The following SLCO5A1 variants were observed in gnomAD, a reference collection of about 807,000 sequenced individuals.
SLCO5A1 encodes organic anion transporter polypeptide-related protein 4.
A neutral mutation model predicts 65.1 loss-of-function variants in SLCO5A1; 39 were observed. The observed-to-expected ratio is 0.60, with a 90% CI of 0.46 to 0.78. SLCO5A1 has a LOEUF of 0.78. SLCO5A1 is among the 30% of genes least tolerant of loss of function. SLCO5A1 has a pLI of 0.00. For missense variants in SLCO5A1, 1,029 were observed against 1,069.4 expected (o/e 0.96, Z 0.53); for synonymous variants, 438 against 415.7 (o/e 1.05, Z -0.65).
At chr8:69,724,903 TATTA>T (rs1389845685) in intron 5 of SLCO5A1, among the ~76,000 whole-genome samples, 3 of 152,182 alleles carry the variant, frequency 2.0e-5, no homozygotes, top group African/African-American at 7.2e-5. Flanking sequence ...CCTGTGTCTT[TATTA>T]ATTATCTACC....
At chr8:69,765,961 T>A (rs1385038441) in intron 2 of SLCO5A1, among the ~76,000 whole-genome samples, 3 of 152,182 alleles carry the variant, frequency 2.0e-5, no homozygotes, top group East Asian at 1.9e-4. Flanking sequence ...TCACACTCCA[T>A]CATGCATCTC....
chr8:69,784,652 G>A (rs1202273138), intron 2 of SLCO5A1, among the ~76,000 whole-genome samples: 1 of 151,778 alleles, frequency 6.6e-6, no homozygotes, highest in African/African-American at 2.4e-5. Context: ...GACAGGCATG[G>A]TGGTGTGTGC....
chr8:69,722,168 T>G (rs928343560), intron 5 of SLCO5A1, among the ~76,000 whole-genome samples: 2 of 152,068 alleles, frequency 1.3e-5, no homozygotes, highest in Admixed American at 1.3e-4. Flanking sequence ...AAAGACTCCG[T>G]CTCAAAAAAA....
At position 69,832,108 on chromosome 8, in the gene SLCO5A1, C is replaced by G; in HGVS notation, c.566G>C (p.Gly189Ala). Residue 189 changes from glycine to alanine, a missense_variant, in exon 2 of 10, where the codon GGC (glycine) becomes GCC (alanine). By Grantham distance (60) the Gly-to-Ala change is moderately conservative. This residue lies in a region of SLCO5A1 where 647 missense variants were observed against 647.5 expected (regional missense o/e 1.00). Coordinates refer to ENST00000260126, the MANE Select transcript of SLCO5A1 (RefSeq NM_030958.3). The surrounding 1 kb of genome is among the most constrained non-coding windows in gnomAD (Gnocchi z 4.5). Reference protein sequence around the residue: ...LVVVVFVSYFGGRGRRPLWLA... With the variant: ...LVVVVFVSYFAGRGRRPLWLA... ...CCACAGGGGCCGCCGACCCCGGCCG[C>G]CGAAGTAGCTGACGAACACCACCAC... 6.2e-7 allele frequency: 1 copy of G among 1,614,096 alleles called. No individual in the cohort carries two copies. Among genetic ancestry groups the G allele is most frequent in the South Asian group, 1.1e-5 (1 of 91,080 alleles).
intron 2 of SLCO5A1, among the ~76,000 whole-genome samples, chr8:69,801,570 C>T (rs998487653): frequency 1.3e-5 from 2 of 151,668 alleles, no homozygotes; most frequent in South Asian, 2.1e-4. Flanking sequence ...TTTTTTTTAA[C>T]GAACATTTTA....
intron 5 of SLCO5A1, among the ~76,000 whole-genome samples, chr8:69,718,717 A>T (rs573213414): frequency 2.6e-5 from 4 of 152,156 alleles, no homozygotes; most frequent in African/African-American, 9.7e-5. Flanking sequence ...TTGAGCATCC[A>T]CTCTGTGCCA....
chr8:69,670,338 A>C lies in SLCO5A1; in HGVS notation c.*2531T>G, dbSNP rs1271602792. 1 of 152,212 alleles carries C rather than the reference A, an allele frequency of 6.6e-6. No homozygotes were observed. The allele number at this position is 152,212 out of a possible 1,614,324, so 9.4% of individuals were successfully genotyped here. A position where few individuals can be genotyped will look rare whatever the true frequency, so the allele number is the denominator to read the frequency against. ...ATACAATTAAATGGTATCATCTACA[A>C]AACAGTCACTTCAGTTGGCTATGTA... On this transcript the variant is annotated 3_prime_UTR_variant, in exon 10 of 10. Transcript: ENST00000260126.
intron 2 of SLCO5A1, among the ~76,000 whole-genome samples, chr8:69,800,663 C>T (rs1819692506): frequency 6.6e-6 from 1 of 152,200 alleles, no homozygotes; most frequent in African/African-American, 2.4e-5. Context: ...CAGTAACAAG[C>T]AGTCTTAAAT....
chr8:69,726,087 C>T (rs911145143), intron 5 of SLCO5A1, among the ~76,000 whole-genome samples: 3 of 152,176 alleles, frequency 2.0e-5, no homozygotes, highest in Non-Finnish European at 4.4e-5. Context: ...TCAGTGTGAG[C>T]GTGCACACAT....
intron 2 of SLCO5A1, among the ~76,000 whole-genome samples, chr8:69,804,336 G>A (rs547678339): frequency 6.5e-4 from 99 of 152,074 alleles, no homozygotes; most frequent in African/African-American, 2.3e-3. Context: ...TTTAGAAGGA[G>A]TCTCACTCAC....
At chr8:69,813,196 A>AT (rs1237267542) in intron 2 of SLCO5A1, among the ~76,000 whole-genome samples, 1 of 151,908 alleles carries the variant, frequency 6.6e-6, no homozygotes, top group African/African-American at 2.4e-5. Context: ...AGTTCTCTTT[A>AT]TAAAAAAAAA....
intron 5 of SLCO5A1, among the ~76,000 whole-genome samples, chr8:69,735,394 C>CA (rs1476885500): frequency 6.6e-6 from 1 of 152,106 alleles, no homozygotes; most frequent in Non-Finnish European, 1.5e-5. Flanking sequence ...GCATTATTTA[C>CA]AATAGCAAAG....
At chr8:69,755,125 A>T (rs951182682) in intron 4 of SLCO5A1, among the ~76,000 whole-genome samples, 7 of 152,196 alleles carry the variant, frequency 4.6e-5, no homozygotes, top group Non-Finnish European at 7.3e-5. Context: ...CCATTTTTTT[A>T]AATTATTATT....
At chr8:69,716,081 A>G (rs996220964) in intron 5 of SLCO5A1, among the ~76,000 whole-genome samples, 2 of 152,130 alleles carry the variant, frequency 1.3e-5, no homozygotes, top group African/African-American at 4.8e-5. Context: ...GAGTCATACA[A>G]TATGTGTGCC....
chr8:69,780,346 TG>T (rs1256967095), intron 2 of SLCO5A1, among the ~76,000 whole-genome samples: 2 of 152,224 alleles, frequency 1.3e-5, no homozygotes, highest in Admixed American at 1.3e-4. Context: ...AAGGGATATT[TG>T]CCTTCACACA....
intron 5 of SLCO5A1, among the ~76,000 whole-genome samples, chr8:69,715,229 C>T (rs1245651327): frequency 2.6e-5 from 4 of 152,212 alleles, no homozygotes; most frequent in African/African-American, 9.6e-5. Flanking sequence ...AAGCAAACTA[C>T]TGGAAAGGTG....
intron 6 of SLCO5A1, among the ~76,000 whole-genome samples, chr8:69,698,539 A>G (rs2933057): frequency 0.54 from 81,782 of 152,040 alleles, 22,144 homozygotes; most frequent in South Asian, 0.64. Context: ...ACTTTTTAGT[A>G]ATAGCCATTC....
rs191754992 is a variant in SLCO5A1 at position 69,811,117 on chromosome 8, C to G, written c.907+20650G>C. ...TATCCATGAAAGTTCCAGACCCACT[C>G]CAGGAACCACAAAGGGCTCTGGAGT... On this transcript the variant is annotated intron_variant, in intron 2 of 9. Transcript: ENST00000260126. Among the ~76,000 whole-genome samples, 306 of 152,270 alleles carry G rather than the reference C, an allele frequency of 2.0e-3. 1 individual carries two copies. Among genetic ancestry groups the G allele is most frequent in the Admixed American group, 4.3e-3 (66 of 15,288 alleles).
intron 3 of SLCO5A1, among the ~76,000 whole-genome samples, chr8:69,759,232 G>T (rs191463991): frequency 2.6e-5 from 4 of 152,230 alleles, no homozygotes; most frequent in Non-Finnish European, 4.4e-5. Context: ...AAATAACTAT[G>T]TCTTTGTTCA....
Sources: allele counts gnomAD v4.1 joint callset (sites outside exome capture counted in the v4.1 genomes callset), GRCh38; gene constraint gnomAD v4.1.1; regional missense constraint gnomAD v4.1.1; non-coding constraint Gnocchi (gnomAD v3.1); transcripts MANE v1.5; gene names NCBI Gene and HGNC (gene_info 2026-07-23, HGNC 2026-07-21).